The following ITGA2 variants were observed in gnomAD, a reference collection of about 807,000 sequenced individuals.
ITGA2 encodes integrin alpha-2.
A neutral mutation model predicts 146.3 loss-of-function variants in ITGA2; 101 were observed. The ratio of observed to expected loss-of-function variants is 0.69; its 90% CI spans 0.59 to 0.81. ITGA2 has a LOEUF of 0.81. Among genes scored for constraint, ITGA2 ranks in the 40% least tolerant of loss-of-function variants. ITGA2 has a pLI of 0.00. For synonymous variants in ITGA2, 477 were observed against 487.1 expected (o/e 0.98, Z 0.27); for missense variants, 1,281 against 1,402.7 (o/e 0.91, Z 1.39).
chr5:52,998,507 C>T (rs1441466792), intron 1 of ITGA2, among the ~76,000 whole-genome samples: 1 of 151,976 alleles, frequency 6.6e-6, no homozygotes, highest in Non-Finnish European at 1.5e-5. Flanking sequence ...CCCATGAGCT[C>T]CTGCCTTTTT....
At chr5:53,042,091 A>G (rs755536157) in intron 2 of ITGA2, 21 bp from the exon 3 acceptor site, 1 of 1,413,890 alleles carries the variant, frequency 7.1e-7, no homozygotes, top group South Asian at 1.1e-5. Flanking sequence ...TTTGTGTCTA[A>G]TAAAAAAAAT....
chr5:53,084,574 GGCTT>G (rs1386995223), intron 27 of ITGA2, among the ~76,000 whole-genome samples: 2 of 152,104 alleles, frequency 1.3e-5, no homozygotes, highest in African/African-American at 2.4e-5. Flanking sequence ...TATTTCTTCT[GGCTT>G]GCTTGCTTGC....
chr5:53,006,509 T>C (rs1184630540), intron 1 of ITGA2, among the ~76,000 whole-genome samples: 1 of 152,234 alleles, frequency 6.6e-6, no homozygotes, highest in East Asian at 1.9e-4. Flanking sequence ...GAGGATTTAT[T>C]AGTTAATTAA....
At chr5:53,072,084 C>A in intron 18 of ITGA2, 36 bp downstream of exon 18, 2 of 1,406,928 alleles carry the variant, frequency 1.4e-6, no homozygotes, top group Non-Finnish European at 2.0e-6. Flanking sequence ...TTTAGACTGG[C>A]AAATAAAGTT....
chr5:53,080,467 T>C (rs1745868406), intron 24 of ITGA2, 44 bp from the exon 25 acceptor site: 18 of 1,453,640 alleles, frequency 1.2e-5, no homozygotes, highest in Non-Finnish European at 1.6e-5. Context: ...CCTTGCATCA[T>C]GTACATCCTG....
At chr5:52,991,739 C>T (rs1294407685) in intron 1 of ITGA2, among the ~76,000 whole-genome samples, 1 of 152,136 alleles carries the variant, frequency 6.6e-6, no homozygotes, top group Non-Finnish European at 1.5e-5. Context: ...ATTTGCTTTC[C>T]AGAAACCTTT....
intron 1 of ITGA2, among the ~76,000 whole-genome samples, chr5:52,999,116 ACCCTTTTCTGTTC>A (rs894504089): frequency 5.9e-5 from 9 of 151,914 alleles, no homozygotes; most frequent in Admixed American, 5.3e-4. Flanking sequence ...TTTTCCCCAA[ACCCTTTTCTGTTC>A]CCCTTTTCTG....
intron 1 of ITGA2, among the ~76,000 whole-genome samples, chr5:52,996,971 G>A (rs773762048): frequency 6.6e-6 from 1 of 152,168 alleles, no homozygotes; most frequent in Non-Finnish European, 1.5e-5. Flanking sequence ...TGTTTTCAAA[G>A]CATTTCAAAA....
intron 1 of ITGA2, among the ~76,000 whole-genome samples, chr5:53,011,606 A>G (rs1291102613): frequency 1.3e-5 from 2 of 152,148 alleles, no homozygotes; most frequent in African/African-American, 4.8e-5. Context: ...ATTTTTCTAC[A>G]CAAAGATAGT....
At chr5:53,022,823 CTAAGAAAAA>C (rs1012295890) in intron 1 of ITGA2, among the ~76,000 whole-genome samples, 24 of 152,258 alleles carry the variant, frequency 1.6e-4, no homozygotes, top group Admixed American at 9.2e-4. Flanking sequence ...GCCTCAGACT[CTAAGAAAAA>C]TAAGAAATCT....
chr5:53,090,869 G>A lies in ITGA2; in HGVS notation c.*270G>A, dbSNP rs761096118. 7 of 594,020 alleles carry A rather than the reference G, an allele frequency of 1.2e-5. No individual in the cohort carries two copies. Among genetic ancestry groups the A allele is most frequent in the Non-Finnish European group, 1.8e-5 (6 of 334,374 alleles). 36.8% of individuals were successfully genotyped at this position (594,020 alleles called of 1,614,324 possible). ...TAATCTTTAAACTGGCTGGCCCAGA[G>A]TTTACATTCTAATTTGCATTGTGTC... On this transcript the variant is annotated 3_prime_UTR_variant, in exon 30 of 30. Transcript: ENST00000296585.
chr5:53,064,885 A>C (rs1484002528), intron 13 of ITGA2, 27 bp from the exon 14 acceptor site: 2 of 1,604,134 alleles, frequency 1.2e-6, no homozygotes, highest in African/African-American at 1.3e-5. Context: ...GTTTGCTTTA[A>C]TCATCCTTTT....
rs73754095 is a variant in ITGA2, at chr5:53,031,379, C to T, written c.185+4511C>T. Among the ~76,000 whole-genome samples the T allele has an allele frequency of 4.3e-3, 655 of 152,278 alleles. 4 individuals carry two copies. Among genetic ancestry groups the T allele is most frequent in the African/African-American group, 0.015 (618 of 41,568 alleles). Reference sequence around the variant, plus strand: ...GCTGTCATTTTGGTATCTTTTTCCTCTGCTTACTTTGACTTTCTTTGTAAT... The same window carrying T: ...GCTGTCATTTTGGTATCTTTTTCCTTTGCTTACTTTGACTTTCTTTGTAAT... On this transcript the variant is annotated intron_variant, in intron 2 of 29. Coordinates refer to ENST00000296585, the MANE Select transcript of ITGA2 (RefSeq NM_002203.4).
In ITGA2 at chr5:53,046,700, G is replaced by A. The variant is rs190467317; in HGVS notation, c.387+1608G>A. Among the ~76,000 whole-genome samples, 9 of 151,500 alleles carry A rather than the reference G, an allele frequency of 5.9e-5. No individual in the cohort carries two copies. In the East Asian group the frequency reaches 1.8e-3, roughly 30 times the overall value. On this transcript the variant is annotated intron_variant, in intron 4 of 29. Transcript: ENST00000296585. ...AAGCAGAGAGGCAGAAAGAGAGAGA[G>A]GAGGAGAAAGAAAAAAAGAAAAAAC...
At chr5:53,008,351 T>C (rs1741960271) in intron 1 of ITGA2, among the ~76,000 whole-genome samples, 1 of 149,004 alleles carries the variant, frequency 6.7e-6, no homozygotes, top group Non-Finnish European at 1.5e-5. Flanking sequence ...AGGGCTTCAC[T>C]CTTAGGACCT....
intron 1 of ITGA2, among the ~76,000 whole-genome samples, chr5:53,009,205 C>T (rs562983528): frequency 1.3e-5 from 2 of 152,198 alleles, no homozygotes; most frequent in African/African-American, 4.8e-5. Flanking sequence ...GTAGTCAGGG[C>T]CTTGCATTCT....
chr5:53,036,714 T>C (rs1268444901), intron 2 of ITGA2, among the ~76,000 whole-genome samples: 1 of 152,118 alleles, frequency 6.6e-6, no homozygotes, highest in Non-Finnish European at 1.5e-5. Flanking sequence ...ACATTTACTG[T>C]CTATTTTCTC....
rs957492507 is a variant in ITGA2 at position 53,038,010 on chromosome 5, T to C, written c.186-4102T>C. On this transcript the variant is annotated intron_variant, in intron 2 of 29. Coordinates refer to ENST00000296585, the MANE Select transcript of ITGA2 (RefSeq NM_002203.4). ...TTCTTTCTGATTAAATTAGAAGAGC[T>C]GCAGTTTTCACAGAGGTGGTCATGA... is the stretch of plus-strand genomic sequence containing the variant. Among the ~76,000 whole-genome samples the C allele has an allele frequency of 2.0e-5, 3 of 152,190 alleles. No individual in the cohort carries two copies. The East Asian group carries it at 5.8e-4, about 29-fold the overall frequency.
chr5:53,059,951 G>T lies in ITGA2; in HGVS notation c.1251G>T (p.Leu417Phe). The part of the protein sequence containing the change: ...TIVQKTSHGH[L>F]IFPKQAFDQI... ...TCCAGAAGACATCTCATGGCCATTT[G>T]ATCTTTCCTAAACAAGCCTTTGACC... is the stretch of plus-strand genomic sequence containing the variant. Residue 417 changes from leucine to phenylalanine, a missense_variant, in exon 11 of 30, where the codon TTG becomes TTT. Physicochemically the swap from Leu to Phe is conservative, Grantham distance 22 (BLOSUM62 0). Around this residue, in one of 3 missense-constraint regions of ITGA2, gnomAD observed 795 missense variants for 841.7 expected, o/e 0.94. Transcript: ENST00000296585. The T allele has an allele frequency of 6.2e-7, 1 of 1,612,302 alleles. No individual in the cohort carries two copies. Among genetic ancestry groups the T allele is most frequent in the Non-Finnish European group, 8.5e-7 (1 of 1,178,980 alleles).
Sources: gnomAD v4.1 joint callset for allele counts (sites outside exome capture counted in the v4.1 genomes callset) on GRCh38, gnomAD v4.1.1 for gene constraint, gnomAD v4.1.1 regional missense constraint, MANE v1.5 for transcripts, NCBI Gene and HGNC (gene_info 2026-07-23, HGNC 2026-07-21) for gene names.